ADAMTSL1: variants seen among roughly 807,000 people sequenced by gnomAD.
The protein encoded by ADAMTSL1 is ADAMTS like 1.
Under a neutral mutation model 201.8 loss-of-function variants are expected in ADAMTSL1, and 126 were observed. The ratio of observed to expected loss-of-function variants is 0.62; its 90% confidence interval spans 0.54 to 0.72. The LOEUF (loss-of-function observed/expected upper bound fraction) is 0.72. ADAMTSL1 is among the 30% of genes least tolerant of loss of function. The probability of loss-of-function intolerance (pLI) is 0.00; values close to 1 mark genes in which losing one functional copy is unlikely to be tolerated. For synonymous variants in ADAMTSL1, 1,121 were observed against 903.4 expected, an observed-to-expected ratio of 1.24 and a Z score of -4.32; for missense variants, 2,679 against 2,277.8, an observed-to-expected ratio of 1.18 and a Z score of -3.59.
At chr9:18,595,360 A>C (rs1351325594) in intron 4 of ADAMTSL1, among the ~76,000 whole-genome samples, 2 of 152,190 alleles carry the variant, frequency 1.3e-5, no homozygotes. Context: ...AGGTCCCTGC[A>C]CAGACGGGAG....
rs369713257 is a variant in ADAMTSL1, at chr9:18,680,315, G to A, written c.1140G>A (p.Trp380Ter). 1 of 1,613,950 alleles carries A rather than the reference G, an allele frequency of 6.2e-7. No homozygotes were observed. Among genetic ancestry groups the A allele is most frequent in the Non-Finnish European group, 8.5e-7 (1 of 1,179,950 alleles). Residue 380 changes from tryptophan to a stop codon, truncating the protein, a stop_gained, in exon 11 of 29, where the codon TGG becomes TGA. Transcript: ENST00000380548. LOFTEE classifies it high-confidence loss of function. ...ATGACTCCCCTTGCTTCTGTAGGTGGGAGGCCACCCCATGGACCGCGTGCT... is the reference window on the plus strand; with the variant it reads ...ATGACTCCCCTTGCTTCTGTAGGTGAGAGGCCACCCCATGGACCGCGTGCT... ...PYDLYHPLPR[W>*]EATPWTACSS... is the part of the protein sequence containing the mutation.
At chr9:18,889,447 C>G in intron 24 of ADAMTSL1, 121 bp from the exon 25 acceptor site, 10 of 1,061,518 alleles carry the variant, frequency 9.4e-6, no homozygotes, top group African/African-American at 1.6e-5. Flanking sequence ...TTTATAATAG[C>G]TCCTCTCCTT....
intron 4 of ADAMTSL1, among the ~76,000 whole-genome samples, chr9:18,616,756 C>A (rs182606676): frequency 8.7e-4 from 132 of 152,200 alleles, no homozygotes; most frequent in African/African-American, 3.0e-3. Context: ...ATCTTTCTTA[C>A]CTTTGCCTTT....
chr9:18,679,981 C>G (rs1223012911), intron 10 of ADAMTSL1, among the ~76,000 whole-genome samples: 3 of 152,108 alleles, frequency 2.0e-5, no homozygotes, highest in Non-Finnish European at 4.4e-5. Context: ...TTTATATATA[C>G]ATATCCTGAA....
intron 9 of ADAMTSL1, among the ~76,000 whole-genome samples, 158 bp downstream of exon 9, chr9:18,662,231 C>T (rs1281435599): frequency 6.6e-6 from 1 of 152,026 alleles, no homozygotes; most frequent in African/African-American, 2.4e-5. Context: ...TTATTAGTAC[C>T]CATACTCCTT....
chr9:18,458,027 A>C (rs1040138793), intron 2 of ADAMTSL1, among the ~76,000 whole-genome samples: 23 of 152,290 alleles, frequency 1.5e-4, no homozygotes, highest in African/African-American at 5.5e-4. Context: ...GGCATTCAGA[A>C]TCAATGGATC....
chr9:18,095,451 C>CT (rs1824208956), intron 1 of ADAMTSL1, among the ~76,000 whole-genome samples: 1 of 112,448 alleles, frequency 8.9e-6, no homozygotes, highest in African/African-American at 3.2e-5. Flanking sequence ...GACACAGAGT[C>CT]TTGCTCTGCC....
chr9:18,143,674 G>C (rs780543113), intron 1 of ADAMTSL1, among the ~76,000 whole-genome samples: 1 of 152,148 alleles, frequency 6.6e-6, no homozygotes, highest in Non-Finnish European at 1.5e-5. Context: ...TTGTTTAACA[G>C]ACACTTCATT....
At chr9:18,280,160 G>A (rs369420576) in intron 2 of ADAMTSL1, among the ~76,000 whole-genome samples, 16 of 152,110 alleles carry the variant, frequency 1.1e-4, no homozygotes, top group East Asian at 9.7e-4. Flanking sequence ...CTTGGAAAAT[G>A]TATCTGAGGT....
intron 1 of ADAMTSL1, among the ~76,000 whole-genome samples, chr9:17,907,796 C>T (rs1240323145): frequency 1.3e-5 from 2 of 152,134 alleles, no homozygotes; most frequent in African/African-American, 4.8e-5. Flanking sequence ...TCACACTTTC[C>T]AGACTCAGGT....
intron 2 of ADAMTSL1, among the ~76,000 whole-genome samples, chr9:18,329,954 T>C (rs922178346): frequency 4.6e-5 from 7 of 152,214 alleles, no homozygotes; most frequent in African/African-American, 1.7e-4. Flanking sequence ...TCTTAGTGAT[T>C]ATCTGTATAT....
intron 26 of ADAMTSL1, among the ~76,000 whole-genome samples, chr9:18,896,194 A>T (rs1325700719): frequency 2.0e-5 from 3 of 152,228 alleles, no homozygotes; most frequent in African/African-American, 7.2e-5. Context: ...TCCAAATTTG[A>T]TGAAAGACAT....
chr9:18,631,883 G>C (rs142159834), intron 5 of ADAMTSL1, among the ~76,000 whole-genome samples: 271 of 152,316 alleles, frequency 1.8e-3, no homozygotes, highest in African/African-American at 6.3e-3. Context: ...GGAGAAATGG[G>C]TTATCTGGTA....
chr9:18,516,756 A>G (rs933016866), intron 2 of ADAMTSL1, among the ~76,000 whole-genome samples: 2 of 152,346 alleles, frequency 1.3e-5, no homozygotes, highest in South Asian at 2.1e-4. Flanking sequence ...TGTTGAACAG[A>G]TATCCAAGGT....
intron 5 of ADAMTSL1, among the ~76,000 whole-genome samples, chr9:18,626,397 A>T (rs1826361616): frequency 6.6e-6 from 1 of 152,202 alleles, no homozygotes; most frequent in Non-Finnish European, 1.5e-5. Flanking sequence ...GGGAAGTGAA[A>T]AGGGGTCACC....
At chr9:18,563,298 A>C (rs761792299) in intron 3 of ADAMTSL1, among the ~76,000 whole-genome samples, 1 of 152,138 alleles carries the variant, frequency 6.6e-6, no homozygotes, top group Non-Finnish European at 1.5e-5. Context: ...AGTTTGCTGG[A>C]GGTCCACTCC....
chr9:18,465,616 T>C (rs1820973524), intron 2 of ADAMTSL1, among the ~76,000 whole-genome samples: 1 of 152,222 alleles, frequency 6.6e-6, no homozygotes, highest in Admixed American at 6.5e-5. Context: ...CTGTGTCACA[T>C]GGTAACACAT....
In ADAMTSL1 at chr9:18,770,902, A is replaced by T. The variant is rs992150214; in HGVS notation, c.2397+121A>T. On this transcript the variant is annotated intron_variant, in intron 17 of 28. Coordinates refer to ENST00000380548, the MANE Select transcript of ADAMTSL1 (RefSeq NM_001040272.6). ...AATCTTCCTAATATTATGGAATAGT[A>T]TTTTTGTAACCATATATACCGTAGT... 7.2e-6 allele frequency: 8 copies of T among 1,118,736 alleles called. No individual in the cohort carries two copies. In the African/African-American group the frequency reaches 1.3e-4, roughly 18 times the overall value. The allele number at this position is 1,118,736 out of a possible 1,614,324, so 69.3% of individuals were successfully genotyped here.
chr9:18,772,122 T>A (rs1240804174), intron 17 of ADAMTSL1, among the ~76,000 whole-genome samples: 1 of 152,188 alleles, frequency 6.6e-6, no homozygotes, highest in Non-Finnish European at 1.5e-5. Context: ...TAGTGACAAT[T>A]TTTCCGTGGG....
Sources: allele counts gnomAD v4.1 joint callset (sites outside exome capture counted in the v4.1 genomes callset), GRCh38; gene constraint gnomAD v4.1.1; transcripts MANE v1.5; gene names NCBI Gene and HGNC (gene_info 2026-07-23, HGNC 2026-07-21).